MBP: variants seen among roughly 807,000 people sequenced by gnomAD.
The protein encoded by MBP is Golli-MBP.
MBP carries 16 observed loss-of-function variants against 35.8 expected under a neutral mutation model. The observed-to-expected ratio is 0.45, with a 90% confidence interval of 0.30 to 0.68. The LOEUF (loss-of-function observed/expected upper bound fraction) is 0.68, where lower values mean the gene tolerates loss of function less well. Ranked by LOEUF, MBP falls within the 30% of genes least tolerant of loss-of-function variation. The pLI is 0.08. For missense variants in MBP, 380 were observed against 404.7 expected, an observed-to-expected ratio of 0.94 and a Z score of 0.52; for synonymous variants, 143 against 159.6, an observed-to-expected ratio of 0.90 and a Z score of 0.78.
In MBP at chr18:77,052,111, G is replaced by C. The variant is rs530558392; in HGVS notation, c.139+14187C>G. On this transcript the variant is annotated intron_variant, in intron 3 of 8. Coordinates refer to ENST00000355994, the MANE Select transcript of MBP (RefSeq NM_001025101.2). ...TCCCGAGACTGTGCCCTCTGAGCCAGAGTCTTCCTCCGATGTGCCCAAGTC... is the reference window on the plus strand; with the variant it reads ...TCCCGAGACTGTGCCCTCTGAGCCACAGTCTTCCTCCGATGTGCCCAAGTC... Among the ~76,000 whole-genome samples the C allele has an allele frequency of 6.6e-5, 10 of 152,300 alleles. No individual in the cohort carries two copies. In the South Asian group the frequency reaches 2.1e-3, roughly 32 times the overall value.
chr18:77,109,136 C>T (rs1479873491), intron 1 of MBP: 1 of 152,284 alleles, frequency 6.6e-6, no homozygotes, highest in Non-Finnish European at 1.5e-5. Context: ...CCAGGGTTCC[C>T]TGGGTGGGTG....
chr18:77,124,091 G>A (rs1352360572), intron 1 of MBP, among the ~76,000 whole-genome samples: 1 of 152,114 alleles, frequency 6.6e-6, no homozygotes, highest in Non-Finnish European at 1.5e-5. Flanking sequence ...GGAGCATCCC[G>A]TGTCACCAGA....
intron 3 of MBP, among the ~76,000 whole-genome samples, chr18:77,028,012 TG>T (rs1972294232): frequency 6.6e-6 from 1 of 151,296 alleles, no homozygotes; most frequent in African/African-American, 2.4e-5. Context: ...ATTTTTTTAT[TG>T]ATCATTCTTG....
chr18:77,047,970 C>G (rs77743386), intron 3 of MBP, among the ~76,000 whole-genome samples: 3,784 of 152,226 alleles, frequency 0.025, 117 homozygotes, highest in East Asian at 0.11. Context: ...CAATTCACCC[C>G]AAAGCTAGAA....
intron 3 of MBP, among the ~76,000 whole-genome samples, chr18:77,021,083 C>G (rs1363361853): frequency 6.6e-6 from 1 of 152,180 alleles, no homozygotes; most frequent in African/African-American, 2.4e-5. Flanking sequence ...GAGAAAGAGT[C>G]CTCCACCCTC....
intron 2 of MBP, chr18:77,097,480 G>GGA (rs1468097876): frequency 6.6e-6 from 1 of 152,276 alleles, no homozygotes; most frequent in African/African-American, 2.4e-5. Flanking sequence ...ATGTCCTAGG[G>GGA]GAGAAGGGAG....
At chr18:76,982,289 C>T (rs561249469) in intron 8 of MBP, 1 of 152,382 alleles carries the variant, frequency 6.6e-6, no homozygotes, top group South Asian at 2.1e-4. Context: ...CACATGATCT[C>T]AGCATCTGAT....
At chr18:77,053,182 C>G in intron 3 of MBP, among the ~76,000 whole-genome samples, 1 of 152,218 alleles carries the variant, frequency 6.6e-6, no homozygotes, top group Non-Finnish European at 1.5e-5. Context: ...GTGATAGGAG[C>G]CCTGGCTGAG....
At chr18:77,093,107 C>G (rs34266248) in intron 2 of MBP, 15,617 of 152,162 alleles carry the variant, frequency 0.1, 1,131 homozygotes, top group Non-Finnish European at 0.15. Context: ...GGCAAAAGAA[C>G]AGTGCCCGCC....
At chr18:77,099,869 A>G (rs1208441260) in intron 2 of MBP, among the ~76,000 whole-genome samples, 1 of 152,230 alleles carries the variant, frequency 6.6e-6, no homozygotes, top group Non-Finnish European at 1.5e-5. Context: ...GGGTCTGCAG[A>G]AGGGAAACCA....
intron 3 of MBP, among the ~76,000 whole-genome samples, chr18:77,047,069 G>A (rs1291654455): frequency 6.6e-6 from 1 of 152,198 alleles, no homozygotes; most frequent in East Asian, 1.9e-4. Context: ...GACATGAAAA[G>A]GAAAGTCTAA....
At chr18:77,053,348 T>A (rs1568314791) in intron 3 of MBP, among the ~76,000 whole-genome samples, 1 of 152,248 alleles carries the variant, frequency 6.6e-6, no homozygotes, top group Non-Finnish European at 1.5e-5. Flanking sequence ...GGGTCGGGAC[T>A]GAGCTCCGTC....
chr18:77,007,326 C>T (rs1289035395), intron 4 of MBP, among the ~76,000 whole-genome samples: 1 of 152,228 alleles, frequency 6.6e-6, no homozygotes, highest in Non-Finnish European at 1.5e-5. Flanking sequence ...GCTTATTCTT[C>T]CACTCAATAT....
intron 3 of MBP, among the ~76,000 whole-genome samples, chr18:77,061,311 A>G (rs8095585): frequency 0.65 from 99,495 of 152,112 alleles, 33,478 homozygotes; most frequent in African/African-American, 0.81. Flanking sequence ...AGCAGGAAAA[A>G]TTCTTAGTAT....
chr18:77,008,112 G>A (rs1056395395), intron 4 of MBP, among the ~76,000 whole-genome samples: 1 of 152,130 alleles, frequency 6.6e-6, no homozygotes, highest in African/African-American at 2.4e-5. Flanking sequence ...AACGGGGTAG[G>A]GGCCAAGCCG....
intron 3 of MBP, among the ~76,000 whole-genome samples, chr18:77,037,452 CCA>C (rs1972824479): frequency 6.6e-6 from 1 of 152,170 alleles, no homozygotes; most frequent in African/African-American, 2.4e-5. Context: ...CTGGCCAGAG[CCA>C]CAGAGAGGTG....
chr18:77,119,495 CCAGCAGGCACA>C (rs1976822571), intron 1 of MBP, among the ~76,000 whole-genome samples: 1 of 151,852 alleles, frequency 6.6e-6, no homozygotes, highest in Non-Finnish European at 1.5e-5. Flanking sequence ...CACACAATAC[CCAGCAGGCACA>C]CAGCACACAG....
rs186110901 is a variant in MBP, at chr18:77,090,219, G to A, written c.51+14992C>T. Among the ~76,000 whole-genome samples, 41 of 152,272 alleles carry A rather than the reference G, an allele frequency of 2.7e-4. 1 individual carries two copies. The highest frequency in any genetic ancestry group is 3.4e-3 in the Middle Eastern group (1 of 294). The stretch of plus-strand genomic sequence containing the variant: ...CCCGTTGCCTGAGGTTGAGACAAAC[G>A]TGCTTTCCTCCTTTTCAAAACAAAG... On this transcript the variant is annotated intron_variant, in intron 2 of 8. Transcript: ENST00000355994.
At chr18:77,014,522 C>T in intron 4 of MBP, 7 of 985,400 alleles carry the variant, frequency 7.1e-6, no homozygotes, top group African/African-American at 1.7e-5. Flanking sequence ...CAAGGACCTT[C>T]CTAGCATATA....
Sources: gnomAD v4.1 joint callset for allele counts (sites outside exome capture counted in the v4.1 genomes callset) on GRCh38, gnomAD v4.1.1 for gene constraint, MANE v1.5 for transcripts, NCBI Gene and HGNC (gene_info 2026-07-23, HGNC 2026-07-21) for gene names.